CHLSN: variants seen among roughly 807,000 people sequenced by gnomAD.
CHLSN encodes cholesin.
the CHLSN span, among the ~76,000 whole-genome samples, chr7:995,740 T>C: frequency 6.6e-6 from 1 of 152,244 alleles, no homozygotes; most frequent in Non-Finnish European, 1.5e-5. Context: ...GCCTTCCTGT[T>C]TGTGAGTTCA....
chr7:978,609 G>A, the CHLSN span, among the ~76,000 whole-genome samples: 2 of 152,242 alleles, frequency 1.3e-5, no homozygotes, highest in Non-Finnish European at 2.9e-5. Flanking sequence ...CGGATCCCCA[G>A]AGCCTGGAGC....
the CHLSN span, among the ~76,000 whole-genome samples, chr7:1,071,268 A>C: frequency 6.6e-6 from 1 of 152,254 alleles, no homozygotes; most frequent in South Asian, 2.1e-4. Flanking sequence ...CAAGCGAGAA[A>C]CAGCTGTACA....
At chr7:1,092,489 G>A in the CHLSN span, 20 of 1,607,438 alleles carry the variant, frequency 1.2e-5, no homozygotes, top group South Asian at 5.5e-5. Flanking sequence ...CGGCCCCGGC[G>A]GCAGAAGGCG....
chr7:1,011,871 G>A, the CHLSN span, among the ~76,000 whole-genome samples: 1 of 152,190 alleles, frequency 6.6e-6, no homozygotes, highest in East Asian at 1.9e-4. Context: ...AGGCTGAAGA[G>A]TCCCGGTGGG....
chr7:1,068,117 C>T, the CHLSN span, among the ~76,000 whole-genome samples: 6 of 152,192 alleles, frequency 3.9e-5, no homozygotes, highest in African/African-American at 1.4e-4. Context: ...GGGGTCCCTG[C>T]AGTGCCCACC....
chr7:1,065,013 C>T, the CHLSN span, among the ~76,000 whole-genome samples: 1 of 152,056 alleles, frequency 6.6e-6, no homozygotes, highest in Non-Finnish European at 1.5e-5. Flanking sequence ...CTAATCATCA[C>T]AGGACGCTTT....
chr7:1,088,804 A>G, the CHLSN span, among the ~76,000 whole-genome samples: 1 of 151,788 alleles, frequency 6.6e-6, no homozygotes, highest in Admixed American at 6.6e-5. This position sits in a 1 kb window ranked among gnomAD's most constrained non-coding sequence, Gnocchi z 4.5. Flanking sequence ...ACTGTTTATA[A>G]CTCCATGGCC....
At chr7:1,059,861 G>A in the CHLSN span, among the ~76,000 whole-genome samples, 44 of 106,540 alleles carry the variant, frequency 4.1e-4, 1 homozygote, top group Non-Finnish European at 5.7e-4. Flanking sequence ...GTAGTGGGGC[G>A]GGTCTGTAGT....
the CHLSN span, among the ~76,000 whole-genome samples, chr7:1,055,905 G>C: frequency 6.6e-6 from 1 of 152,216 alleles, no homozygotes; most frequent in African/African-American, 2.4e-5. Context: ...CTCAAGTGGA[G>C]TCTGGGGGGT....
chr7:1,083,553 G>A, the CHLSN span, among the ~76,000 whole-genome samples: 3 of 152,142 alleles, frequency 2.0e-5, no homozygotes, highest in East Asian at 1.9e-4. Flanking sequence ...GTGTGAACCC[G>A]GGAGGTGGAG....
the CHLSN span, among the ~76,000 whole-genome samples, chr7:1,108,430 G>A: frequency 6.6e-6 from 1 of 151,954 alleles, no homozygotes; most frequent in Non-Finnish European, 1.5e-5. Flanking sequence ...GCTCTCCTTG[G>A]CGGGCCCTGT....
At chr7:1,071,956 G>A in the CHLSN span, among the ~76,000 whole-genome samples, 3 of 152,218 alleles carry the variant, frequency 2.0e-5, no homozygotes, top group Non-Finnish European at 4.4e-5. Flanking sequence ...GTCGGCACAC[G>A]TGGGGAGGCT....
At chr7:1,057,895 A>G in the CHLSN span, 3 of 776,586 alleles carry the variant, frequency 3.9e-6, no homozygotes, top group Non-Finnish European at 4.8e-6. Flanking sequence ...AGCCTCGACC[A>G]CTACATCGAG....
the CHLSN span, chr7:986,362 T>G: frequency 1.9e-6 from 1 of 539,752 alleles, no homozygotes; most frequent in Non-Finnish European, 3.3e-6. Flanking sequence ...GGCAGCTGCC[T>G]CCCTCCTCCC....
chr7:1,135,421 C>T, the CHLSN span, among the ~76,000 whole-genome samples: 1 of 151,944 alleles, frequency 6.6e-6, no homozygotes, highest in Non-Finnish European at 1.5e-5. Context: ...ACTTGAACTC[C>T]TGACCTCTGT....
chr7:1,133,817 A>C, the CHLSN span, among the ~76,000 whole-genome samples: 48 of 151,748 alleles, frequency 3.2e-4, no homozygotes, highest in African/African-American at 1.1e-3. Flanking sequence ...GAGAAAGATC[A>C]TTTGCTATAA....
At chr7:1,136,421 AATAT>A in the CHLSN span, among the ~76,000 whole-genome samples, 5 of 116,234 alleles carry the variant, frequency 4.3e-5, no homozygotes, top group Admixed American at 9.2e-5. Flanking sequence ...CATATATATA[AATAT>A]ATATAAACAT....
At chr7:991,970 C>A in the CHLSN span, among the ~76,000 whole-genome samples, 2 of 152,170 alleles carry the variant, frequency 1.3e-5, no homozygotes, top group Non-Finnish European at 2.9e-5. Flanking sequence ...CCAATGGGTC[C>A]TTTTCAAGGG....
the CHLSN span, among the ~76,000 whole-genome samples, chr7:985,862 G>A: frequency 2.6e-5 from 4 of 152,224 alleles, no homozygotes; most frequent in Non-Finnish European, 4.4e-5. Context: ...CAGAGACCAC[G>A]GGTCCTAGTC....
Sources: allele counts gnomAD v4.1 joint callset (sites outside exome capture counted in the v4.1 genomes callset), GRCh38; gene constraint gnomAD v4.1.1; non-coding constraint Gnocchi (gnomAD v3.1); transcripts MANE v1.5; gene names NCBI Gene and HGNC (gene_info 2026-07-23, HGNC 2026-07-21).